Variants in DOCK2 observed in about 807,000 individuals in gnomAD.
DOCK2 encodes the protein dedicator of cytokinesis 2.
DOCK2 carries 87 observed loss-of-function variants against 248.9 expected under a neutral mutation model. The ratio of observed to expected loss-of-function variants is 0.35; its 90% confidence interval spans 0.29 to 0.42. DOCK2 has a LOEUF of 0.42. Among genes scored for constraint, DOCK2 ranks in the 10% least tolerant of loss-of-function variants. The pLI is 1.00. For missense variants in DOCK2, 1,747 were observed against 2,300.2 expected (o/e 0.76, Z 4.92); for synonymous variants, 805 against 821.6 (o/e 0.98, Z 0.35).
chr5:169,999,852 C>T (rs1393917179), intron 30 of DOCK2, among the ~76,000 whole-genome samples: 3 of 152,194 alleles, frequency 2.0e-5, no homozygotes, highest in Non-Finnish European at 4.4e-5. Context: ...TTGGCAGCCA[C>T]TGACCAGAGG....
In DOCK2 at chr5:169,850,965, C is replaced by T. The variant is rs79945972; in HGVS notation, c.2799+10113C>T. Among the ~76,000 whole-genome samples, 722 of 152,308 alleles carry T rather than the reference C, an allele frequency of 4.7e-3. 7 individuals are homozygous for T. Among genetic ancestry groups the T allele is most frequent in the African/African-American group, 0.016 (645 of 41,566 alleles). ...TCGTCATTCTGCTAGGCCATCTTTC[C>T]GGTTGTTCGTTGTCCTTGTTTCAGT... On this transcript the variant is annotated intron_variant, in intron 27 of 51. Coordinates refer to ENST00000520908, the MANE Select transcript of DOCK2 (RefSeq NM_004946.3).
intron 33 of DOCK2, among the ~76,000 whole-genome samples, chr5:170,022,784 C>T (rs978393578): frequency 6.6e-6 from 1 of 152,168 alleles, no homozygotes; most frequent in Non-Finnish European, 1.5e-5. Context: ...CAAAGCTGGT[C>T]TCTCAGTCCT....
intron 26 of DOCK2, among the ~76,000 whole-genome samples, chr5:169,815,371 C>A (rs927817426): frequency 6.6e-6 from 1 of 152,186 alleles, no homozygotes; most frequent in Admixed American, 6.5e-5. Context: ...TTAAGGTATT[C>A]TTTAATATTG....
chr5:169,852,212 G>C (rs1770653839), intron 27 of DOCK2, among the ~76,000 whole-genome samples: 1 of 152,142 alleles, frequency 6.6e-6, no homozygotes, highest in Admixed American at 6.5e-5. Context: ...GTGCCTTTCA[G>C]CTTCTGTTAG....
intron 2 of DOCK2, among the ~76,000 whole-genome samples, chr5:169,654,883 T>A (rs2113183074): frequency 6.6e-6 from 1 of 152,302 alleles, no homozygotes; most frequent in South Asian, 2.1e-4. Flanking sequence ...GTGTTGTTTG[T>A]TTACTGCATG....
intron 25 of DOCK2, among the ~76,000 whole-genome samples, chr5:169,778,977 G>C (rs1388514558): frequency 6.6e-6 from 1 of 152,164 alleles, no homozygotes; most frequent in African/African-American, 2.4e-5. Flanking sequence ...TTAGCATCAC[G>C]TGAAAAATTG....
At chr5:170,074,349 A>T (rs1056061792) in intron 46 of DOCK2, among the ~76,000 whole-genome samples, 1 of 150,946 alleles carries the variant, frequency 6.6e-6, no homozygotes. Context: ...TGTCTTTCCT[A>T]TTGGAGACTT....
chr5:169,956,928 C>T (rs1776891040), intron 27 of DOCK2, among the ~76,000 whole-genome samples: 1 of 152,062 alleles, frequency 6.6e-6, no homozygotes, highest in Non-Finnish European at 1.5e-5. Context: ...CCTGGAGGGC[C>T]TGCAGAGCCA....
At chr5:169,949,034 A>G (rs1213651971) in intron 27 of DOCK2, among the ~76,000 whole-genome samples, 3 of 152,214 alleles carry the variant, frequency 2.0e-5, no homozygotes, top group Non-Finnish European at 4.4e-5. Context: ...CAACCTTAGA[A>G]TCACCACGTT....
At chr5:170,032,273 A>G (rs977771506) in intron 34 of DOCK2, among the ~76,000 whole-genome samples, 7 of 151,910 alleles carry the variant, frequency 4.6e-5, no homozygotes, top group Admixed American at 1.3e-4. Context: ...TGATCTGCCC[A>G]CCTCGGCCTC....
intron 25 of DOCK2, among the ~76,000 whole-genome samples, chr5:169,784,565 AG>A (rs1351151224): frequency 6.6e-6 from 1 of 152,234 alleles, no homozygotes. Flanking sequence ...TGTATCCAGA[AG>A]GGAAGTTCAT....
At chr5:169,823,743 T>C (rs1768643893) in intron 26 of DOCK2, among the ~76,000 whole-genome samples, 1 of 152,134 alleles carries the variant, frequency 6.6e-6, no homozygotes, top group South Asian at 2.1e-4. Flanking sequence ...CCACTCCTAT[T>C]CAACATAGTG....
At chr5:169,659,016 T>TGAG in intron 2 of DOCK2, among the ~76,000 whole-genome samples, 1 of 131,660 alleles carries the variant, frequency 7.6e-6, no homozygotes, top group Non-Finnish European at 1.7e-5. Flanking sequence ...TTATTATTAT[T>TGAG]ATTATTATTA....
At chr5:169,774,809 T>A (rs1765285757) in intron 25 of DOCK2, among the ~76,000 whole-genome samples, 1 of 152,214 alleles carries the variant, frequency 6.6e-6, no homozygotes, top group Non-Finnish European at 1.5e-5. Flanking sequence ...CCTTCTTTAC[T>A]TCACAGAGAA....
intron 24 of DOCK2, 31 bp downstream of exon 24, chr5:169,759,806 C>T: frequency 6.2e-7 from 1 of 1,613,214 alleles, no homozygotes; most frequent in Non-Finnish European, 8.5e-7. Context: ...TTCTTGGGCT[C>T]TGCTGGCAAG....
At chr5:169,954,772 G>A (rs1303845347) in intron 27 of DOCK2, among the ~76,000 whole-genome samples, 2 of 152,168 alleles carry the variant, frequency 1.3e-5, no homozygotes, top group Non-Finnish European at 2.9e-5. Context: ...CAAAACCCAG[G>A]GGAGTGACCT....
rs575761738 is a variant in DOCK2 at position 170,016,632 on chromosome 5, A to G, written c.3233-2328A>G. On this transcript the variant is annotated intron_variant, in intron 32 of 51. Transcript: ENST00000520908. The stretch of plus-strand genomic sequence containing the variant: ...AAAGTATTTAAGAAATCACGGGTCT[A>G]CAGCATGTCTGCCCTTTATTTTAAA... Among the ~76,000 whole-genome samples, 4 of 152,344 alleles carry G rather than the reference A, an allele frequency of 2.6e-5. No homozygotes were observed. The South Asian group carries it at 8.3e-4, about 32-fold the overall frequency.
chr5:169,978,347 T>G (rs561138184), intron 27 of DOCK2, among the ~76,000 whole-genome samples: 77 of 117,754 alleles, frequency 6.5e-4, no homozygotes, highest in Non-Finnish European at 9.4e-4. Flanking sequence ...TCAGTTCACA[T>G]GGCACTGCAG....
chr5:170,003,617 C>CA (rs1275917720), intron 30 of DOCK2, among the ~76,000 whole-genome samples: 1 of 152,214 alleles, frequency 6.6e-6, no homozygotes, highest in Non-Finnish European at 1.5e-5. Context: ...TGAGTGAAGC[C>CA]ATGGAGACCA....
Sources: allele counts gnomAD v4.1 joint callset (sites outside exome capture counted in the v4.1 genomes callset), GRCh38; gene constraint gnomAD v4.1.1; transcripts MANE v1.5; gene names NCBI Gene and HGNC (gene_info 2026-07-23, HGNC 2026-07-21).